Variants in SCHIP1 observed in about 807,000 individuals in gnomAD.
The protein encoded by SCHIP1 is schwannomin interacting protein 1.
A neutral mutation model predicts 29.7 loss-of-function variants in SCHIP1; 8 were observed. That is an observed-to-expected ratio of 0.27 (90% CI 0.16 to 0.49). SCHIP1 has a LOEUF of 0.49. Among genes scored for constraint, SCHIP1 ranks in the 20% least tolerant of loss-of-function variants. The pLI is 0.99. For missense variants in SCHIP1, 193 were observed against 294.6 expected, an observed-to-expected ratio of 0.66 and a Z score of 2.52; for synonymous variants, 76 against 94.9, an observed-to-expected ratio of 0.80 and a Z score of 1.16.
the SCHIP1 span, among the ~76,000 whole-genome samples, chr3:159,494,840 T>C: frequency 2.0e-5 from 3 of 152,118 alleles, no homozygotes; most frequent in Admixed American, 2.0e-4. Flanking sequence ...TGATGAACAT[T>C]GATGCAAAAA....
At chr3:159,683,029 G>A in the SCHIP1 span, among the ~76,000 whole-genome samples, 1 of 152,066 alleles carries the variant, frequency 6.6e-6, no homozygotes, top group Admixed American at 6.6e-5. Flanking sequence ...CAAACCTATT[G>A]ACTCAGAATT....
chr3:159,760,119 A>T, the SCHIP1 span, among the ~76,000 whole-genome samples: 1 of 152,136 alleles, frequency 6.6e-6, no homozygotes, highest in Non-Finnish European at 1.5e-5. Flanking sequence ...AGTTCATAAC[A>T]ATGTGAAATT....
chr3:159,470,106 A>G, the SCHIP1 span, among the ~76,000 whole-genome samples: 1 of 152,162 alleles, frequency 6.6e-6, no homozygotes, highest in South Asian at 2.1e-4. Context: ...AGTCTTCCTA[A>G]AAACACTAAA....
At chr3:159,666,727 A>C in the SCHIP1 span, among the ~76,000 whole-genome samples, 1 of 152,242 alleles carries the variant, frequency 6.6e-6, no homozygotes. Flanking sequence ...ATGAAAACTT[A>C]AGAGCATAAC....
chr3:159,419,185 C>A, the SCHIP1 span, among the ~76,000 whole-genome samples: 1 of 152,206 alleles, frequency 6.6e-6, no homozygotes, highest in Non-Finnish European at 1.5e-5. Context: ...TCCTGCTGAC[C>A]TTCCTGAGTG....
At chr3:159,766,002 T>A in the SCHIP1 span, among the ~76,000 whole-genome samples, 1 of 152,200 alleles carries the variant, frequency 6.6e-6, no homozygotes, top group African/African-American at 2.4e-5. Context: ...ACATCTTTTT[T>A]GCCCCTGAGA....
At chr3:159,741,371 C>T in the SCHIP1 span, among the ~76,000 whole-genome samples, 10 of 152,252 alleles carry the variant, frequency 6.6e-5, no homozygotes, top group South Asian at 1.2e-3. Context: ...TCTAATACCC[C>T]GTGTCTCCAC....
the SCHIP1 span, among the ~76,000 whole-genome samples, chr3:159,422,075 A>C: frequency 6.6e-6 from 1 of 152,256 alleles, no homozygotes. Context: ...CTAAATTTAA[A>C]TTCCAATGGT....
chr3:159,704,525 A>T, the SCHIP1 span, among the ~76,000 whole-genome samples: 828 of 151,918 alleles, frequency 5.5e-3, 9 homozygotes, highest in African/African-American at 0.019. Flanking sequence ...ATTCCCAGGC[A>T]CATGCTCTTT....
the SCHIP1 span, among the ~76,000 whole-genome samples, chr3:159,520,532 A>G: frequency 1.4e-4 from 22 of 152,160 alleles, 1 homozygote; most frequent in Admixed American, 1.3e-3. Context: ...CCAAATCTAT[A>G]AAGTTCTGCC....
chr3:159,336,154 G>A, the SCHIP1 span, among the ~76,000 whole-genome samples: 3 of 152,204 alleles, frequency 2.0e-5, no homozygotes, highest in Non-Finnish European at 2.9e-5. Context: ...TTTGAGAAGT[G>A]TCTGTTCATA....
chr3:159,547,283 AAT>A, the SCHIP1 span, among the ~76,000 whole-genome samples: 8 of 151,576 alleles, frequency 5.3e-5, no homozygotes, highest in African/African-American at 1.9e-4. Context: ...TCTTCTTGTA[AAT>A]TTAAGTTCCT....
the SCHIP1 span, among the ~76,000 whole-genome samples, chr3:159,422,762 T>C: frequency 4.6e-5 from 7 of 152,214 alleles, no homozygotes; most frequent in Non-Finnish European, 8.8e-5. Context: ...CTGCATTGGA[T>C]TTATAAAGTT....
the SCHIP1 span, among the ~76,000 whole-genome samples, chr3:159,776,207 A>G: frequency 6.6e-6 from 1 of 152,230 alleles, no homozygotes; most frequent in African/African-American, 2.4e-5. Flanking sequence ...CCAGTAGCTA[A>G]AAATTACCCT....
chr3:159,368,921 T>C, the SCHIP1 span, among the ~76,000 whole-genome samples: 1 of 152,220 alleles, frequency 6.6e-6, no homozygotes. Flanking sequence ...AAATGATGTG[T>C]GTGACTGCAC....
At chr3:159,690,404 T>C in the SCHIP1 span, among the ~76,000 whole-genome samples, 1 of 152,236 alleles carries the variant, frequency 6.6e-6, no homozygotes, top group African/African-American at 2.4e-5. Flanking sequence ...TAGTATTCTC[T>C]GATGGTAGTT....
the SCHIP1 span, among the ~76,000 whole-genome samples, chr3:159,699,060 T>C: frequency 1.3e-5 from 2 of 152,216 alleles, no homozygotes; most frequent in Non-Finnish European, 2.9e-5. Context: ...TCATTTTATG[T>C]TCTCTATTAA....
the SCHIP1 span, among the ~76,000 whole-genome samples, chr3:159,431,765 G>C: frequency 1.3e-5 from 2 of 150,892 alleles, no homozygotes; most frequent in Admixed American, 6.6e-5. Context: ...GCTGAGATCG[G>C]GCCACTGCAC....
chr3:159,283,910 T>C, the SCHIP1 span, among the ~76,000 whole-genome samples: 2 of 152,220 alleles, frequency 1.3e-5, no homozygotes, highest in Admixed American at 6.5e-5. Context: ...ATTGTGGTAT[T>C]GCTGTTTGGT....
Sources: allele counts gnomAD v4.1 joint callset (sites outside exome capture counted in the v4.1 genomes callset), GRCh38; gene constraint gnomAD v4.1.1; transcripts MANE v1.5; gene names NCBI Gene and HGNC (gene_info 2026-07-23, HGNC 2026-07-21).